ANO5: variants seen among roughly 807,000 people sequenced by gnomAD.
ANO5 encodes the protein anoctamin 5.
In ANO5, 109 loss-of-function variants were observed where a neutral mutation model predicts 121.0. The observed-to-expected ratio is 0.90, with a 90% confidence interval of 0.77 to 1.06. The LOEUF is 1.06. ANO5 is among the 50% of genes least tolerant of loss of function. ANO5 has a pLI of 0.00. For missense variants in ANO5, 1,064 were observed against 1,078.5 expected, an observed-to-expected ratio of 0.99 and a Z score of 0.19; for synonymous variants, 406 against 359.9, an observed-to-expected ratio of 1.13 and a Z score of -1.45.
chr11:22,231,691 A>T (rs1055162342), intron 7 of ANO5, among the ~76,000 whole-genome samples: 1 of 151,992 alleles, frequency 6.6e-6, no homozygotes, highest in African/African-American at 2.4e-5. Flanking sequence ...CATAAATGTA[A>T]GTTTTCTGCT....
At chr11:22,201,630 G>T (rs996666907) in intron 1 of ANO5, among the ~76,000 whole-genome samples, 1 of 152,154 alleles carries the variant, frequency 6.6e-6, no homozygotes. Context: ...GAAGTCCAAG[G>T]TTGGGGACCA....
Position 22,193,419 on chromosome 11 carries a change from G to T in ANO5, c.-74G>T. ...ACAGTCAGATTCAGCACCTGCCTCA[G>T]ATCTCCACGTCTGTCTCAGCTGCCC... On this transcript the variant is annotated 5_prime_UTR_variant, in exon 1 of 22. Coordinates refer to ENST00000324559, the MANE Select transcript of ANO5 (RefSeq NM_213599.3). 6.4e-7 allele frequency: 1 copy of T among 1,564,396 alleles called. No individual in the cohort carries two copies. Among genetic ancestry groups the T allele is most frequent in the South Asian group, 1.2e-5 (1 of 85,214 alleles).
In ANO5 at chr11:22,270,397, G is replaced by C. The variant is rs1162044853; in HGVS notation, c.1984G>C (p.Glu662Gln). 2 of 1,614,038 alleles carry C rather than the reference G, an allele frequency of 1.2e-6. No homozygotes were observed. The highest frequency in any genetic ancestry group is 1.7e-6 in the Non-Finnish European group (2 of 1,180,018). ...TCGATGGGAGCAGGATCATGACCTT[G>C]AAAGTTTTGGACCCCTTGGGCTTTT... is the stretch of plus-strand genomic sequence containing the variant. ...YSRWEQDHDL[E>Q]SFGPLGLFYE... Residue 662 changes from glutamate (E) to glutamine (Q), a missense_variant, in exon 18 of 22, where the codon GAA (glutamate) becomes CAA (glutamine). Physicochemically the swap from Glu to Gln is conservative, Grantham distance 29. Transcript: ENST00000324559.
intron 7 of ANO5, among the ~76,000 whole-genome samples, chr11:22,231,374 T>C (rs2133627858): frequency 6.6e-6 from 1 of 152,024 alleles, no homozygotes; most frequent in South Asian, 2.1e-4. Flanking sequence ...GAAGCACAGT[T>C]TCATCCTCAT....
intron 17 of ANO5, among the ~76,000 whole-genome samples, chr11:22,268,608 C>T (rs1854456157): frequency 6.6e-6 from 1 of 152,116 alleles, no homozygotes; most frequent in Non-Finnish European, 1.5e-5. Flanking sequence ...AAATATTTTG[C>T]CTTTCTTATT....
chr11:22,227,209 G>C, intron 6 of ANO5, 93 bp from the exon 7 acceptor site: 1 of 1,518,002 alleles, frequency 6.6e-7, no homozygotes, highest in Non-Finnish European at 9.0e-7. Flanking sequence ...TGATGTGTTT[G>C]AGATTTTATA....
rs990329361 is a variant in ANO5, at chr11:22,201,931, A to G, written c.41-1873A>G. Among the ~76,000 whole-genome samples, 7 of 152,228 alleles carry G rather than the reference A, an allele frequency of 4.6e-5. No individual in the cohort carries two copies. The East Asian group carries it at 1.4e-3, about 29-fold the overall frequency. ...TAGCAGAGAGCATTCCTTACAGAGGAATAATTGTGTGTTAAGGCCCCTCAA... is the reference window on the plus strand; with the variant it reads ...TAGCAGAGAGCATTCCTTACAGAGGGATAATTGTGTGTTAAGGCCCCTCAA... On this transcript the variant is annotated intron_variant, in intron 1 of 21. Coordinates refer to ENST00000324559, the MANE Select transcript of ANO5 (RefSeq NM_213599.3).
At chr11:22,272,505 C>G (rs1353341003) in intron 18 of ANO5, among the ~76,000 whole-genome samples, 3 of 152,004 alleles carry the variant, frequency 2.0e-5, no homozygotes, top group Admixed American at 6.5e-5. Flanking sequence ...TAATAAAAGG[C>G]AAAGAGGAAT....
chr11:22,272,990 G>T lies in ANO5; in HGVS notation c.2235+1G>T. The stretch of plus-strand genomic sequence containing the variant: ...GGCTGTCCTTTCTGTTGCAACTAAT[G>T]TAAGTGGACCTATTTCGGTGGGGTG... On this transcript the variant is annotated splice_donor_variant, in intron 19 of 21. Coordinates refer to ENST00000324559, the MANE Select transcript of ANO5 (RefSeq NM_213599.3). LOFTEE classifies it high-confidence loss of function. 1 of 1,613,548 alleles carries T rather than the reference G, an allele frequency of 6.2e-7. No homozygotes were observed. Among genetic ancestry groups the T allele is most frequent in the Non-Finnish European group, 8.5e-7 (1 of 1,179,576 alleles).
intron 17 of ANO5, among the ~76,000 whole-genome samples, chr11:22,265,657 A>G (rs1377549192): frequency 1.3e-5 from 2 of 152,128 alleles, no homozygotes; most frequent in East Asian, 1.9e-4. Flanking sequence ...TTGGTGGTCA[A>G]TTATCCCCAA....
intron 13 of ANO5, among the ~76,000 whole-genome samples, chr11:22,256,971 T>C (rs1294526970): frequency 2.0e-5 from 3 of 152,178 alleles, no homozygotes; most frequent in African/African-American, 7.2e-5. Flanking sequence ...CAGCTGACTC[T>C]GCCTGTTGAG....
intron 1 of ANO5, among the ~76,000 whole-genome samples, chr11:22,202,296 C>T (rs1293811161): frequency 6.6e-6 from 1 of 152,008 alleles, no homozygotes; most frequent in African/African-American, 2.4e-5. Context: ...GGACTTTATT[C>T]CCTAGCTGAC....
At chr11:22,263,916 C>T (rs1854276096) in intron 17 of ANO5, among the ~76,000 whole-genome samples, 1 of 151,804 alleles carries the variant, frequency 6.6e-6, no homozygotes, top group Non-Finnish European at 1.5e-5. Context: ...ATTTCAAGTA[C>T]TAACAAAAGA....
At chr11:22,242,825 T>A (rs1853478031) in intron 9 of ANO5, among the ~76,000 whole-genome samples, 1 of 152,084 alleles carries the variant, frequency 6.6e-6, no homozygotes, top group South Asian at 2.1e-4. Flanking sequence ...GTTTTCTAGG[T>A]GTAGAATCAT....
intron 9 of ANO5, among the ~76,000 whole-genome samples, chr11:22,246,856 CAAAAAAAAAAA>C (rs10565920): frequency 9.6e-5 from 6 of 62,212 alleles, no homozygotes; most frequent in Admixed American, 2.3e-4. Context: ...GACCCTGTTT[CAAAAAAAAAAA>C]AAAAAAAAAA....
intron 4 of ANO5, 41 bp downstream of exon 4, chr11:22,218,328 G>A: frequency 1.2e-6 from 2 of 1,609,182 alleles, no homozygotes; most frequent in East Asian, 4.5e-5. Flanking sequence ...GCTCTGAATG[G>A]CTGCAGTGGT....
intron 14 of ANO5, among the ~76,000 whole-genome samples, chr11:22,258,414 ACT>A (rs1156727654): frequency 6.6e-6 from 1 of 151,728 alleles, no homozygotes; most frequent in East Asian, 1.9e-4. Context: ...TTAATTCAGG[ACT>A]CTCTTTTGAG....
intron 9 of ANO5, among the ~76,000 whole-genome samples, chr11:22,240,494 A>C (rs1198144040): frequency 6.6e-6 from 1 of 152,066 alleles, no homozygotes; most frequent in African/African-American, 2.4e-5. Context: ...ATGTTATCTC[A>C]ACAGTATGTT....
At position 22,274,559 on chromosome 11, in the gene ANO5, T is replaced by TTA; in HGVS notation, c.2236-10_2236-9insTA. Reference sequence around the variant, plus strand: ...CTGATGATCTTCCTCTTTTTTTTTTTATTCTTCAGGCCTTTATTGTTGCAT... The same window carrying TTA: ...CTGATGATCTTCCTCTTTTTTTTTTTTAATTCTTCAGGCCTTTATTGTTGCAT... On this transcript the variant is annotated splice_polypyrimidine_tract_variant and intron_variant, in intron 19 of 21. Transcript: ENST00000324559. The TTA allele has an allele frequency of 6.4e-7, 1 of 1,555,212 alleles. No individual in the cohort carries two copies. Among genetic ancestry groups the TTA allele is most frequent in the South Asian group, 1.2e-5 (1 of 82,712 alleles).
Sources: gnomAD v4.1 joint callset for allele counts (sites outside exome capture counted in the v4.1 genomes callset) on GRCh38, gnomAD v4.1.1 for gene constraint, MANE v1.5 for transcripts, NCBI Gene and HGNC (gene_info 2026-07-23, HGNC 2026-07-21) for gene names.